The following MTHFD1L variants were observed in gnomAD, a reference collection of about 807,000 sequenced individuals.
MTHFD1L encodes the protein methylenetetrahydrofolate dehydrogenase (NADP+ dependent) 1 like, also known as monofunctional C1-tetrahydrofolate synthase, mitochondrial.
Under a neutral mutation model 119.5 loss-of-function variants are expected in MTHFD1L, and 81 were observed. The observed-to-expected ratio is 0.68, with a 90% confidence interval of 0.57 to 0.82. MTHFD1L has a LOEUF of 0.82. MTHFD1L is among the 40% of genes least tolerant of loss of function. The probability of loss-of-function intolerance (pLI) is 0.00; values close to 1 mark genes in which losing one functional copy is unlikely to be tolerated. For missense variants in MTHFD1L, 1,125 were observed against 1,253.4 expected, an observed-to-expected ratio of 0.90 and a Z score of 1.55; for synonymous variants, 430 against 475.2, an observed-to-expected ratio of 0.90 and a Z score of 1.24.
Position 150,926,331 on chromosome 6 carries a change from A to T in MTHFD1L, c.1256+36A>T, listed in dbSNP as rs148192003. The T allele has an allele frequency of 2.0e-4, 312 of 1,572,236 alleles. 2 individuals are homozygous for T. The African/African-American group carries it at 3.8e-3, about 19-fold the overall frequency. ...ATCTAACATCTACTTGATCAAGCAG[A>T]CATATTTACAAAACTCTTCCCTATT... On this transcript the variant is annotated intron_variant, in intron 11 of 27. Coordinates refer to ENST00000367321, the MANE Select transcript of MTHFD1L (RefSeq NM_015440.5). This position sits in a 1 kb window ranked among gnomAD's most constrained non-coding sequence, Gnocchi z 4.3.
At chr6:151,026,387 T>C (rs1427056182) in intron 24 of MTHFD1L, among the ~76,000 whole-genome samples, 1 of 152,232 alleles carries the variant, frequency 6.6e-6, no homozygotes, top group Non-Finnish European at 1.5e-5. Flanking sequence ...ATATCCCATG[T>C]GGCTAAGATT....
intron 16 of MTHFD1L, among the ~76,000 whole-genome samples, chr6:150,951,020 T>C (rs1486813921): frequency 6.7e-6 from 1 of 149,776 alleles, no homozygotes; most frequent in East Asian, 2.0e-4. Context: ...AAAATCTCCT[T>C]GGAAACTTTA....
chr6:151,099,646 A>C (rs1795193784), intron 27 of MTHFD1L: 1 of 1,602,906 alleles, frequency 6.2e-7, no homozygotes, highest in Non-Finnish European at 8.5e-7. Flanking sequence ...ACCCAGAGGC[A>C]TTGACAACAG....
chr6:150,906,623 T>C (rs1785958927), intron 8 of MTHFD1L, among the ~76,000 whole-genome samples: 1 of 152,212 alleles, frequency 6.6e-6, no homozygotes, highest in Admixed American at 6.5e-5. Context: ...GAGAGGACTG[T>C]GCTGAGCTGG....
At chr6:150,888,046 T>G in intron 7 of MTHFD1L, 65 bp downstream of exon 7, 1 of 1,475,116 alleles carries the variant, frequency 6.8e-7, no homozygotes, top group Non-Finnish European at 9.0e-7. Context: ...AGTCTAGAAA[T>G]GTATAAGCTA....
chr6:150,873,309 G>A (rs867602200), intron 1 of MTHFD1L, among the ~76,000 whole-genome samples: 26 of 151,966 alleles, frequency 1.7e-4, no homozygotes, highest in Non-Finnish European at 2.5e-4. Flanking sequence ...GTGAGACTCC[G>A]TCTCAAAAAA....
At chr6:150,938,665 AC>A (rs759019956) in intron 12 of MTHFD1L, 33 bp from the exon 13 acceptor site, 1 of 1,598,724 alleles carries the variant, frequency 6.3e-7, no homozygotes. Flanking sequence ...GTACTTGGTG[AC>A]CCGTTTGAAA....
chr6:150,997,217 G>A (rs1444151386), intron 20 of MTHFD1L, among the ~76,000 whole-genome samples: 1 of 152,152 alleles, frequency 6.6e-6, no homozygotes, highest in African/African-American at 2.4e-5. Flanking sequence ...TGAGGGCCAC[G>A]GGCTAGTGCC....
At chr6:150,986,457 C>T (rs993152084) in intron 20 of MTHFD1L, among the ~76,000 whole-genome samples, 1 of 152,180 alleles carries the variant, frequency 6.6e-6, no homozygotes, top group Non-Finnish European at 1.5e-5. Context: ...CACCAGGGAC[C>T]GGTGTCTTGG....
intron 26 of MTHFD1L, among the ~76,000 whole-genome samples, chr6:151,061,757 C>G (rs892815829): frequency 3.9e-5 from 6 of 152,206 alleles, no homozygotes; most frequent in African/African-American, 9.7e-5. Flanking sequence ...GAGAGAAAGT[C>G]TAACCCTGTA....
At chr6:150,932,057 G>T (rs2128923948) in intron 11 of MTHFD1L, among the ~76,000 whole-genome samples, 1 of 150,472 alleles carries the variant, frequency 6.6e-6, no homozygotes, top group Non-Finnish European at 1.5e-5. Flanking sequence ...AGCTACTCAA[G>T]AGGGTGAGGC....
At chr6:150,868,124 A>G (rs892370791) in intron 1 of MTHFD1L, among the ~76,000 whole-genome samples, 2 of 151,930 alleles carry the variant, frequency 1.3e-5, no homozygotes, top group African/African-American at 4.8e-5. Flanking sequence ...TTTAGGTTTA[A>G]AGCCATGACT....
chr6:151,043,144 C>T (rs754454112), intron 26 of MTHFD1L, among the ~76,000 whole-genome samples: 2 of 152,070 alleles, frequency 1.3e-5, no homozygotes, highest in Non-Finnish European at 2.9e-5. Context: ...CCACATTCCA[C>T]TAAGCAAATG....
intron 7 of MTHFD1L, among the ~76,000 whole-genome samples, chr6:150,891,277 C>T (rs540154429): frequency 2.0e-5 from 3 of 151,988 alleles, no homozygotes; most frequent in African/African-American, 7.2e-5. Context: ...TGAGCTACCG[C>T]GCCCGGGCTG....
At chr6:150,982,627 C>T (rs562563797) in intron 20 of MTHFD1L, among the ~76,000 whole-genome samples, 10 of 151,844 alleles carry the variant, frequency 6.6e-5, no homozygotes, top group South Asian at 4.2e-4. Context: ...TGTTCTGCAA[C>T]GTAATACCAA....
intron 18 of MTHFD1L, among the ~76,000 whole-genome samples, chr6:150,964,030 G>A (rs1354267379): frequency 6.6e-6 from 1 of 152,190 alleles, no homozygotes; most frequent in African/African-American, 2.4e-5. Flanking sequence ...TTAGCCGTGT[G>A]TGGTGGTGCA....
At chr6:150,962,615 CTAGCAG>C (rs1000483571) in intron 18 of MTHFD1L, among the ~76,000 whole-genome samples, 61 of 152,280 alleles carry the variant, frequency 4.0e-4, no homozygotes, top group African/African-American at 1.4e-3. Flanking sequence ...GTGTGGAATG[CTAGCAG>C]CACACAGAGG....
At chr6:150,923,326 A>G (rs1392839727) in intron 10 of MTHFD1L, among the ~76,000 whole-genome samples, 2 of 151,956 alleles carry the variant, frequency 1.3e-5, no homozygotes, top group Non-Finnish European at 2.9e-5. Context: ...TGATGTCTGA[A>G]TCAGACAGCT....
chr6:151,016,179 C>T (rs1409493910), intron 24 of MTHFD1L, among the ~76,000 whole-genome samples: 3 of 152,156 alleles, frequency 2.0e-5, no homozygotes, highest in East Asian at 1.9e-4. Context: ...TGTCCCAAAG[C>T]CTGTGCTTTT....
Sources: gnomAD v4.1 joint callset for allele counts (sites outside exome capture counted in the v4.1 genomes callset) on GRCh38, gnomAD v4.1.1 for gene constraint, Gnocchi (gnomAD v3.1) non-coding constraint, MANE v1.5 for transcripts, NCBI Gene and HGNC (gene_info 2026-07-23, HGNC 2026-07-21) for gene names.